NRXN1: variants seen among roughly 807,000 people sequenced by gnomAD.
The protein encoded by NRXN1 is neurexin-1.
Under a neutral mutation model 150.9 loss-of-function variants are expected in NRXN1, and 39 were observed. That is an observed-to-expected ratio of 0.26 (90% CI 0.20 to 0.34). The LOEUF (loss-of-function observed/expected upper bound fraction) is 0.34. Among genes scored for constraint, NRXN1 ranks in the 10% least tolerant of loss-of-function variants. The probability of loss-of-function intolerance (pLI) is 1.00; values close to 1 mark genes in which losing one functional copy is unlikely to be tolerated. For missense variants in NRXN1, 1,815 were observed against 1,949.9 expected (o/e 0.93, Z 1.30); for synonymous variants, 924 against 757.0 (o/e 1.22, Z -3.62).
intron 2 of NRXN1, among the ~76,000 whole-genome samples, chr2:50,986,902 A>G (rs936126159): frequency 6.6e-6 from 1 of 151,864 alleles, no homozygotes; most frequent in Non-Finnish European, 1.5e-5. Flanking sequence ...TACAGAAAGT[A>G]AAATTGAAAA....
At chr2:50,405,082 G>A (rs994688545) in intron 17 of NRXN1, among the ~76,000 whole-genome samples, 2 of 152,060 alleles carry the variant, frequency 1.3e-5, no homozygotes, top group African/African-American at 4.8e-5. Flanking sequence ...AAAATGACAA[G>A]GTGTGTGTGA....
At chr2:50,717,938 T>C (rs921950815) in intron 5 of NRXN1, among the ~76,000 whole-genome samples, 2 of 152,152 alleles carry the variant, frequency 1.3e-5, no homozygotes, top group Admixed American at 6.5e-5. Flanking sequence ...CACCTGAATA[T>C]ACATTGAGGG....
chr2:50,427,296 A>AT (rs2084571891), intron 17 of NRXN1, among the ~76,000 whole-genome samples: 1 of 151,270 alleles, frequency 6.6e-6, no homozygotes, highest in Non-Finnish European at 1.5e-5. Context: ...TTTAGGACAA[A>AT]TTGTCAACAT....
intron 5 of NRXN1, among the ~76,000 whole-genome samples, chr2:50,728,183 A>C (rs1697632705): frequency 6.6e-6 from 1 of 151,972 alleles, no homozygotes; most frequent in African/African-American, 2.4e-5. Flanking sequence ...TCATCTTATT[A>C]TAGACACTTA....
intron 2 of NRXN1, among the ~76,000 whole-genome samples, chr2:50,964,379 A>G (rs1034783199): frequency 6.6e-6 from 1 of 151,582 alleles, no homozygotes; most frequent in Non-Finnish European, 1.5e-5. Flanking sequence ...ATACTGTAGC[A>G]TAGAAAATCT....
chr2:50,171,889 T>C (rs2060053360), intron 18 of NRXN1, among the ~76,000 whole-genome samples: 1 of 152,118 alleles, frequency 6.6e-6, no homozygotes, highest in Non-Finnish European at 1.5e-5. Flanking sequence ...AAAACTAATT[T>C]TGGTTGCCTG....
At chr2:50,233,011 G>C (rs188186541) in intron 18 of NRXN1, among the ~76,000 whole-genome samples, 1 of 151,914 alleles carries the variant, frequency 6.6e-6, no homozygotes, top group East Asian at 2.0e-4. Flanking sequence ...CAGGAACCTG[G>C]AGGACTTTCT....
intron 8 of NRXN1, among the ~76,000 whole-genome samples, chr2:50,579,680 T>G (rs973918306): frequency 6.6e-6 from 1 of 151,922 alleles, no homozygotes; most frequent in African/African-American, 2.4e-5. Context: ...TATTTTGGAG[T>G]GTGAGTGTAG....
At chr2:50,984,799 G>A (rs1181116192) in intron 2 of NRXN1, among the ~76,000 whole-genome samples, 1 of 152,000 alleles carries the variant, frequency 6.6e-6, no homozygotes, top group Non-Finnish European at 1.5e-5. Flanking sequence ...AATCAAGTCA[G>A]TGACAAAGGG....
At chr2:50,836,734 G>C (rs1436576281) in intron 5 of NRXN1, among the ~76,000 whole-genome samples, 1 of 151,460 alleles carries the variant, frequency 6.6e-6, no homozygotes, top group Non-Finnish European at 1.5e-5. Flanking sequence ...TGGACACCCA[G>C]GTTGCTTCCA....
intron 17 of NRXN1, among the ~76,000 whole-genome samples, chr2:50,383,034 C>CAAG (rs1319499922): frequency 9.2e-5 from 14 of 152,068 alleles, no homozygotes; most frequent in Non-Finnish European, 1.9e-4. Context: ...CATATATGTT[C>CAAG]TTGGTCACAA....
chr2:50,052,693 C>T (rs945846976), intron 21 of NRXN1, among the ~76,000 whole-genome samples: 3 of 151,928 alleles, frequency 2.0e-5, no homozygotes, highest in African/African-American at 4.8e-5. Flanking sequence ...CACAAAATAC[C>T]TCATATTTTG....
intron 22 of NRXN1, among the ~76,000 whole-genome samples, chr2:49,929,974 T>C (rs1669838125): frequency 6.6e-6 from 1 of 152,186 alleles, no homozygotes; most frequent in African/African-American, 2.4e-5. Flanking sequence ...AGGACAAAGG[T>C]TTCTGATTGC....
intron 17 of NRXN1, among the ~76,000 whole-genome samples, chr2:50,348,142 C>G (rs948829365): frequency 6.6e-6 from 1 of 152,198 alleles, no homozygotes; most frequent in South Asian, 2.1e-4. Context: ...TGTTTAAACT[C>G]AATCTGCTAA....
chr2:50,816,138 T>C (rs1206851308), intron 5 of NRXN1, among the ~76,000 whole-genome samples: 6 of 152,198 alleles, frequency 3.9e-5, no homozygotes, highest in East Asian at 1.9e-4. Flanking sequence ...CAGAGCCCTA[T>C]GGTTTTCTCT....
chr2:50,724,184 G>T (rs531704479), intron 5 of NRXN1, among the ~76,000 whole-genome samples: 1 of 151,648 alleles, frequency 6.6e-6, no homozygotes, highest in African/African-American at 2.4e-5. Flanking sequence ...GCTGTCTCCT[G>T]GGTCTTAATA....
In NRXN1 at chr2:50,767,464, C is replaced by T. The variant is rs529975457; in HGVS notation, c.833-143849G>A. On this transcript the variant is annotated intron_variant, in intron 5 of 22. Transcript: ENST00000401669. ...TTTGTAAATGCTTACCAAATCAATCCGTCCTTCTAGATTTTTATTTGGTGA... is the reference window on the plus strand; with the variant it reads ...TTTGTAAATGCTTACCAAATCAATCTGTCCTTCTAGATTTTTATTTGGTGA... Among the ~76,000 whole-genome samples, 342 of 151,916 alleles carry T rather than the reference C, an allele frequency of 2.3e-3. 7 individuals are homozygous for T. The highest frequency in any genetic ancestry group is 2.6e-3 in the Non-Finnish European group (174 of 67,944).
At chr2:50,990,853 C>G (rs542312001) in intron 2 of NRXN1, among the ~76,000 whole-genome samples, 2 of 152,082 alleles carry the variant, frequency 1.3e-5, no homozygotes, top group South Asian at 4.2e-4. Flanking sequence ...GAGACCTCGC[C>G]ATTTCTCAAA....
chr2:50,801,468 T>C (rs1312964537), intron 5 of NRXN1, among the ~76,000 whole-genome samples: 3 of 152,182 alleles, frequency 2.0e-5, no homozygotes, highest in Non-Finnish European at 4.4e-5. Context: ...AGTTACATAA[T>C]GATGCAGGAT....
Sources: gnomAD v4.1 joint callset for allele counts (sites outside exome capture counted in the v4.1 genomes callset) on GRCh38, gnomAD v4.1.1 for gene constraint, MANE v1.5 for transcripts, NCBI Gene and HGNC (gene_info 2026-07-23, HGNC 2026-07-21) for gene names.